The following CNTN5 variants were observed in gnomAD, a reference collection of about 807,000 sequenced individuals.
CNTN5 encodes contactin-5.
Under a neutral mutation model 129.1 loss-of-function variants are expected in CNTN5, and 77 were observed. The ratio of observed to expected loss-of-function variants is 0.60; its 90% CI spans 0.50 to 0.72. The LOEUF is 0.72. Among genes scored for constraint, CNTN5 ranks in the 30% least tolerant of loss-of-function variants. The probability of loss-of-function intolerance (pLI) is 0.00; values close to 1 mark genes in which losing one functional copy is unlikely to be tolerated. For synonymous variants in CNTN5, 509 were observed against 465.6 expected (o/e 1.09, Z -1.20); for missense variants, 1,478 against 1,328.8 (o/e 1.11, Z -1.75).
intron 6 of CNTN5, among the ~76,000 whole-genome samples, chr11:99,859,647 C>T (rs1395843193): frequency 3.9e-5 from 6 of 152,156 alleles, no homozygotes; most frequent in Non-Finnish European, 7.3e-5. Context: ...ATAATGGCCT[C>T]CAGCTGCATC....
chr11:100,215,722 T>C (rs1949125725), intron 15 of CNTN5, among the ~76,000 whole-genome samples: 1 of 152,126 alleles, frequency 6.6e-6, no homozygotes. Context: ...TTAAATGTAA[T>C]TCATATGGAG....
At chr11:99,946,573 A>C (rs1045406961) in intron 7 of CNTN5, among the ~76,000 whole-genome samples, 7 of 152,120 alleles carry the variant, frequency 4.6e-5, no homozygotes, top group African/African-American at 1.7e-4. Context: ...AATCCTAGAA[A>C]ACTACTGGGC....
At chr11:99,725,217 G>A (rs968528852) in intron 3 of CNTN5, among the ~76,000 whole-genome samples, 13 of 152,108 alleles carry the variant, frequency 8.5e-5, no homozygotes, top group African/African-American at 2.7e-4. Context: ...AGATGCACTG[G>A]GATTTTTATA....
intron 7 of CNTN5, among the ~76,000 whole-genome samples, chr11:99,955,101 A>G (rs1404281983): frequency 6.6e-6 from 1 of 151,572 alleles, no homozygotes; most frequent in Non-Finnish European, 1.5e-5. Context: ...AGCTAAGAAA[A>G]CCCTTATTTT....
Position 100,143,582 on chromosome 11 carries a change from G to A in CNTN5, c.1581-47544G>A, listed in dbSNP as rs576205112. ...GGCAATGTGCAGCTGGACCAGTTCC[G>A]GGAAAAAAGGAAGGAGATTCCAAGG... is the stretch of plus-strand genomic sequence containing the variant. On this transcript the variant is annotated intron_variant, in intron 13 of 24. Transcript: ENST00000524871. Among the ~76,000 whole-genome samples the A allele has an allele frequency of 4.6e-3, 693 of 152,176 alleles. 3 individuals carry two copies. Among genetic ancestry groups the A allele is most frequent in the South Asian group, 1.0e-2 (48 of 4,824 alleles).
intron 3 of CNTN5, among the ~76,000 whole-genome samples, chr11:99,776,850 T>C: frequency 6.6e-6 from 1 of 151,868 alleles, no homozygotes. Flanking sequence ...ACTTGAAATA[T>C]TTACAAGACT....
intron 3 of CNTN5, among the ~76,000 whole-genome samples, chr11:99,700,356 G>A (rs528672823): frequency 2.7e-4 from 41 of 151,470 alleles, no homozygotes; most frequent in African/African-American, 9.2e-4. Context: ...GAAATGCTAC[G>A]TTTATGAAAT....
intron 3 of CNTN5, among the ~76,000 whole-genome samples, chr11:99,655,669 T>C (rs1321595679): frequency 1.4e-5 from 2 of 145,292 alleles, no homozygotes; most frequent in Admixed American, 6.7e-5. Flanking sequence ...TCAGTCTTTA[T>C]TTATCCAGTT....
chr11:99,413,195 G>A (rs916560170), intron 2 of CNTN5, among the ~76,000 whole-genome samples: 2 of 152,158 alleles, frequency 1.3e-5, no homozygotes, highest in Admixed American at 6.5e-5. Context: ...AACGGGGAAG[G>A]TATAATGTTA....
At chr11:100,128,699 G>T (rs901234283) in intron 13 of CNTN5, among the ~76,000 whole-genome samples, 4 of 152,092 alleles carry the variant, frequency 2.6e-5, no homozygotes, top group Middle Eastern at 3.4e-3. Context: ...GCCTCTAGAG[G>T]CTTGAATGGG....
At chr11:99,408,448 GAGAAAGAAAGAAAGAAAGAA>G (rs1555137775) in intron 2 of CNTN5, among the ~76,000 whole-genome samples, 54 of 78,130 alleles carry the variant, frequency 6.9e-4, no homozygotes, top group African/African-American at 1.6e-3. Flanking sequence ...AAGAAAGAAA[GAGAAAGAAAGAAAGAAAGAA>G]AGAAAGAAAG....
intron 1 of CNTN5, among the ~76,000 whole-genome samples, chr11:99,120,755 T>A (rs1858280357): frequency 6.6e-6 from 1 of 152,172 alleles, no homozygotes. Flanking sequence ...TATTTTTAAT[T>A]GCATAGTTCG....
At chr11:99,064,606 A>C (rs965088799) in intron 1 of CNTN5, among the ~76,000 whole-genome samples, 1 of 152,120 alleles carries the variant, frequency 6.6e-6, no homozygotes, top group Non-Finnish European at 1.5e-5. Flanking sequence ...TACCATCTGA[A>C]TCATGAGTAA....
intron 13 of CNTN5, among the ~76,000 whole-genome samples, chr11:100,131,834 G>T (rs1301089248): frequency 6.6e-6 from 1 of 151,980 alleles, no homozygotes; most frequent in African/African-American, 2.4e-5. Context: ...AGGGAGACTT[G>T]AACAAAAATA....
At chr11:99,935,425 T>G (rs565943394) in intron 7 of CNTN5, among the ~76,000 whole-genome samples, 1 of 152,212 alleles carries the variant, frequency 6.6e-6, no homozygotes, top group African/African-American at 2.4e-5. Flanking sequence ...AAAAATTATT[T>G]AATCCCCAAT....
intron 1 of CNTN5, among the ~76,000 whole-genome samples, chr11:99,028,625 G>A: frequency 6.6e-6 from 1 of 151,920 alleles, no homozygotes; most frequent in Middle Eastern, 3.4e-3. Flanking sequence ...TTAAATGAAT[G>A]TGATGTTTTT....
chr11:99,643,486 A>G (rs1951842918), intron 3 of CNTN5, among the ~76,000 whole-genome samples: 1 of 152,224 alleles, frequency 6.6e-6, no homozygotes, highest in African/African-American at 2.4e-5. Flanking sequence ...ATATCTATAA[A>G]TAAGGATGAT....
At chr11:99,665,897 T>C (rs1275780242) in intron 3 of CNTN5, among the ~76,000 whole-genome samples, 4 of 152,146 alleles carry the variant, frequency 2.6e-5, no homozygotes, top group Non-Finnish European at 1.5e-5. Flanking sequence ...TATATGGTGG[T>C]TGGGAGTAAA....
At chr11:99,356,546 AC>A (rs1938685036) in intron 2 of CNTN5, among the ~76,000 whole-genome samples, 1 of 152,188 alleles carries the variant, frequency 6.6e-6, no homozygotes, top group South Asian at 2.1e-4. Context: ...ACTTTTGAAC[AC>A]CTACGTTGTG....
Sources: gnomAD v4.1 joint callset for allele counts (sites outside exome capture counted in the v4.1 genomes callset) on GRCh38, gnomAD v4.1.1 for gene constraint, MANE v1.5 for transcripts, NCBI Gene and HGNC (gene_info 2026-07-23, HGNC 2026-07-21) for gene names.